Variants in LITAF observed in about 807,000 individuals in gnomAD.
LITAF encodes the protein lipopolysaccharide induced TNF factor.
In LITAF, 9 loss-of-function variants were observed where a neutral mutation model predicts 14.5. The observed-to-expected ratio is 0.62, with a 90% CI of 0.37 to 1.08. The LOEUF (loss-of-function observed/expected upper bound fraction) is 1.08, where lower values mean the gene tolerates loss of function less well. LITAF is among the 50% of genes least tolerant of loss of function. The pLI is 0.01. For synonymous variants in LITAF, 98 were observed against 88.2 expected, an observed-to-expected ratio of 1.11 and a Z score of -0.62; for missense variants, 206 against 213.4, an observed-to-expected ratio of 0.97 and a Z score of 0.22.
At chr16:11,578,039 G>C (rs1286071659) in intron 1 of LITAF, among the ~76,000 whole-genome samples, 1 of 152,110 alleles carries the variant, frequency 6.6e-6, no homozygotes, top group East Asian at 1.9e-4. Flanking sequence ...GGGGCTACAG[G>C]TGTGCACCAC....
intron 1 of LITAF, among the ~76,000 whole-genome samples, chr16:11,575,116 T>C (rs2064610663): frequency 6.6e-6 from 1 of 152,122 alleles, no homozygotes; most frequent in Non-Finnish European, 1.5e-5. Context: ...AGTTCTTTTT[T>C]TTTCATGTTG....
intron 1 of LITAF, among the ~76,000 whole-genome samples, chr16:11,582,736 C>T (rs988470971): frequency 1.3e-5 from 2 of 152,062 alleles, no homozygotes; most frequent in Non-Finnish European, 2.9e-5. Flanking sequence ...GAACCAGCTG[C>T]GAGGGTCAAA....
rs781571785 is a variant in LITAF at position 11,553,628 on chromosome 16, C to T, written c.282G>A (p.Met94Ile). 2 of 1,614,020 alleles carry T rather than the reference C, an allele frequency of 1.2e-6. No homozygotes were observed. Among genetic ancestry groups the T allele is most frequent in the African/African-American group, 1.3e-5 (1 of 74,922 alleles). Residue 94 changes from methionine (M) to isoleucine (I), a missense_variant, in exon 3 of 4, where the codon ATG (methionine) becomes ATA (isoleucine). Met to Ile is a conservative substitution (Grantham distance 10). Coordinates refer to ENST00000622633, the MANE Select transcript of LITAF (RefSeq NM_001136472.2). This position sits in a 1 kb window ranked among gnomAD's most constrained non-coding sequence, Gnocchi z 7.7. ...PITFLDRPIQ[M>I]CCPSCNKMIV... ...TCATCTTGTTGCAGGAAGGACAACA[C>T]ATTTGGATAGGGCGGTCCAAAAAGG...
chr16:11,553,857 A>C lies in LITAF; in HGVS notation c.221-168T>G, dbSNP rs897573619. 1 of 701,062 alleles carries C rather than the reference A, an allele frequency of 1.4e-6. No homozygotes were observed. The highest frequency in any genetic ancestry group is 2.4e-6 in the Non-Finnish European group (1 of 408,278). 43.4% of individuals were successfully genotyped at this position (701,062 alleles called of 1,614,324 possible). ...GCTATCTATGAGAGCCAAAAGGGGAAGGAACACCAGTGTCCATCGACGGAC... is the reference window on the plus strand; with the variant it reads ...GCTATCTATGAGAGCCAAAAGGGGACGGAACACCAGTGTCCATCGACGGAC... On this transcript the variant is annotated intron_variant, in intron 2 of 3. Transcript: ENST00000622633. The surrounding 1 kb of genome is among the most constrained non-coding windows in gnomAD (Gnocchi z 7.7).
chr16:11,565,138 A>G (rs2064431165), intron 1 of LITAF, among the ~76,000 whole-genome samples: 2 of 148,926 alleles, frequency 1.3e-5, no homozygotes, highest in African/African-American at 5.0e-5. Context: ...GCTGGAGTAC[A>G]GTGGCACAAT....
chr16:11,589,060 C>T (rs1288450978), upstream of LITAF, among the ~76,000 whole-genome samples: 3 of 152,156 alleles, frequency 2.0e-5, no homozygotes, highest in Admixed American at 6.6e-5. Flanking sequence ...ACACTTACCA[C>T]GGCTGTGAGC....
intron 1 of LITAF, among the ~76,000 whole-genome samples, chr16:11,563,114 G>A (rs960534904): frequency 6.6e-6 from 1 of 151,678 alleles, no homozygotes; most frequent in Non-Finnish European, 1.5e-5. Flanking sequence ...GGGTGACAGA[G>A]TGAGACCATA....
intron 1 of LITAF, among the ~76,000 whole-genome samples, chr16:11,566,182 C>G (rs1349530189): frequency 1.3e-5 from 2 of 152,170 alleles, no homozygotes; most frequent in Non-Finnish European, 2.9e-5. Context: ...ACTTGTCTGT[C>G]TTCCTATCTG....
chr16:11,588,478 G>A (rs2064828604), upstream of LITAF, among the ~76,000 whole-genome samples: 2 of 147,642 alleles, frequency 1.4e-5, no homozygotes, highest in Admixed American at 6.9e-5. Flanking sequence ...ACTGTAGCAA[G>A]CAAGCAACAA....
At chr16:11,622,250 G>A (rs1355678475) in intron 3 of LITAF, among the ~76,000 whole-genome samples, 3 of 152,164 alleles carry the variant, frequency 2.0e-5, no homozygotes, top group Admixed American at 1.3e-4. Flanking sequence ...CGCCTGGCAC[G>A]GCCACCCTCG....
chr16:11,555,451 A>T (rs765291639), intron 2 of LITAF, among the ~76,000 whole-genome samples: 43 of 152,178 alleles, frequency 2.8e-4, no homozygotes, highest in Non-Finnish European at 5.1e-4. Context: ...GTTTGAGCTC[A>T]GGAGTTAAAG....
At chr16:11,638,949 C>G (rs777971118), upstream of LITAF, among the ~76,000 whole-genome samples, 4 of 151,222 alleles carry the variant, frequency 2.6e-5, no homozygotes, top group Non-Finnish European at 5.9e-5. Flanking sequence ...AAACGCGTAA[C>G]AAATTGTTCA....
chr16:11,578,783 T>A (rs115224787), intron 1 of LITAF, among the ~76,000 whole-genome samples: 2,132 of 152,336 alleles, frequency 0.014, 44 homozygotes, highest in African/African-American at 0.049. Context: ...CAACCCTGAT[T>A]TGAGGGAAAT....
At chr16:11,607,192 C>T (rs988806920) in intron 3 of LITAF, among the ~76,000 whole-genome samples, 4 of 152,204 alleles carry the variant, frequency 2.6e-5, no homozygotes, top group Non-Finnish European at 5.9e-5. Flanking sequence ...ACTCTCAGGG[C>T]AGGTGCCCCA....
At chr16:11,584,590 C>A (rs927787600) in intron 1 of LITAF, among the ~76,000 whole-genome samples, 1 of 152,192 alleles carries the variant, frequency 6.6e-6, no homozygotes, top group African/African-American at 2.4e-5. Context: ...TGAACTATGT[C>A]CTCATGTTCC....
chr16:11,619,330 A>C (rs187840605), intron 3 of LITAF, among the ~76,000 whole-genome samples: 142 of 152,148 alleles, frequency 9.3e-4, no homozygotes, highest in African/African-American at 3.3e-3. Context: ...AAACAAAAAA[A>C]AAAACCCCAG....
chr16:11,590,184 G>T (rs770029861), upstream of LITAF, among the ~76,000 whole-genome samples: 2 of 114,066 alleles, frequency 1.8e-5, no homozygotes, highest in Non-Finnish European at 3.4e-5. Context: ...CTTAACTAAG[G>T]AAGTTCAAAC....
chr16:11,582,342 C>CT (rs2064751716), intron 1 of LITAF, among the ~76,000 whole-genome samples: 1 of 123,354 alleles, frequency 8.1e-6, no homozygotes, highest in African/African-American at 3.1e-5. Flanking sequence ...AAAAAAAGAA[C>CT]TCCCCACAAA....
At chr16:11,602,958 C>G (rs1024397840), upstream of LITAF, among the ~76,000 whole-genome samples, 1 of 151,754 alleles carries the variant, frequency 6.6e-6, no homozygotes, top group African/African-American at 2.4e-5. Flanking sequence ...AAAAAAATAA[C>G]AAAAAATTAG....
Sources: gnomAD v4.1 joint callset for allele counts (sites outside exome capture counted in the v4.1 genomes callset) on GRCh38, gnomAD v4.1.1 for gene constraint, Gnocchi (gnomAD v3.1) non-coding constraint, MANE v1.5 for transcripts, NCBI Gene and HGNC (gene_info 2026-07-23, HGNC 2026-07-21) for gene names.